The following L2HGDH variants were observed in gnomAD, a reference collection of about 807,000 sequenced individuals.
L2HGDH encodes L-2-hydroxyglutarate dehydrogenase.
L2HGDH carries 34 observed loss-of-function variants against 51.5 expected under a neutral mutation model. That is an observed-to-expected ratio of 0.66 (90% CI 0.50 to 0.88). The LOEUF (loss-of-function observed/expected upper bound fraction) is 0.88. L2HGDH is among the 40% of genes least tolerant of loss of function. The pLI, the probability that L2HGDH is intolerant of heterozygous loss-of-function variation, is 0.00. For missense variants in L2HGDH, 558 were observed against 571.9 expected (o/e 0.98, Z 0.25); for synonymous variants, 198 against 197.9 (o/e 1.00, Z -0.01).
chr14:50,294,184 G>C lies in L2HGDH; in HGVS notation c.471C>G (p.Leu157=). ...GCCTCAGGCCCGGGACACCATTCTG[G>C]AGGCCTTTCTCATATAGGGCCTGAA... ...PRLQALYEKG[L]QNGVPGLRLI... Residue 157 remains leucine, a synonymous_variant, in exon 4 of 10, where the codon CTC becomes CTG. Transcript: ENST00000267436. 6.2e-7 allele frequency: 1 copy of C among 1,613,594 alleles called. No individual in the cohort carries two copies. Among genetic ancestry groups the C allele is most frequent in the Non-Finnish European group, 8.5e-7 (1 of 1,179,890 alleles).
chr14:50,307,603 G>A (rs2030809051), intron 1 of L2HGDH, among the ~76,000 whole-genome samples: 1 of 152,126 alleles, frequency 6.6e-6, no homozygotes, highest in African/African-American at 2.4e-5. Flanking sequence ...CCTACACAAA[G>A]TTAGACAAAA....
intron 4 of L2HGDH, among the ~76,000 whole-genome samples, chr14:50,289,752 A>C (rs1890771190): frequency 6.6e-6 from 1 of 152,210 alleles, no homozygotes; most frequent in Admixed American, 6.5e-5. Context: ...ATTTCATTTA[A>C]TTCTCAAAAC....
chr14:50,265,617 T>A, intron 8 of L2HGDH, 128 bp from the exon 9 acceptor site: 1 of 897,736 alleles, frequency 1.1e-6, no homozygotes, highest in South Asian at 1.6e-5. Context: ...AAACTACAGA[T>A]TAAAAGAAAA....
chr14:50,250,015 C>T (rs1888252855), intron 9 of L2HGDH, among the ~76,000 whole-genome samples: 1 of 150,870 alleles, frequency 6.6e-6, no homozygotes, highest in Non-Finnish European at 1.5e-5. Context: ...GATTCTCCTG[C>T]CTCAGCCTTC....
At position 50,246,261 on chromosome 14, in the gene L2HGDH, C is replaced by T. The variant is rs988454336; in HGVS notation, c.*797G>A. The stretch of plus-strand genomic sequence containing the variant: ...TGAGTCAGGGACTCACTTTGTTGCC[C>T]AGGCTGGGGTATAGTGGCATGAACA... On this transcript the variant is annotated 3_prime_UTR_variant, in exon 10 of 10. Coordinates refer to ENST00000267436, the MANE Select transcript of L2HGDH (RefSeq NM_024884.3). 3.3e-5 allele frequency: 5 copies of T among 151,840 alleles called. No homozygotes were observed. The highest frequency in any genetic ancestry group is 9.7e-5 in the African/African-American group (4 of 41,304). The allele number at this position is 151,840 out of a possible 1,614,324, so 9.4% of individuals were successfully genotyped here.
rs560182479 is a variant in L2HGDH, at chr14:50,307,511, C to T, written c.141-4494G>A. On this transcript the variant is annotated intron_variant, in intron 1 of 9. Transcript: ENST00000267436. ...CGGAGGCTGAAAGAGACATCTTTCT[C>T]TACAACTCACTTAATCTCAAGTTAA... Among the ~76,000 whole-genome samples the T allele has an allele frequency of 2.0e-5, 3 of 152,302 alleles. No individual in the cohort carries two copies. The South Asian group carries it at 6.2e-4, about 32-fold the overall frequency.
chr14:50,275,301 T>C (rs970491120), intron 6 of L2HGDH, among the ~76,000 whole-genome samples: 3 of 152,238 alleles, frequency 2.0e-5, no homozygotes, highest in Non-Finnish European at 4.4e-5. Context: ...TGTCTACAGC[T>C]AATGCTGAGT....
At chr14:50,268,409 T>C (rs1889474221) in intron 7 of L2HGDH, among the ~76,000 whole-genome samples, 2 of 149,390 alleles carry the variant, frequency 1.3e-5, no homozygotes, top group African/African-American at 4.9e-5. Context: ...AAAGAAACTC[T>C]GATGCTACTG....
In L2HGDH at chr14:50,247,170, T is replaced by A; in HGVS notation, c.1280A>T (p.Asp427Val). The change falls in exon 10 of 10, where the codon GAT (aspartate) becomes GTT (valine). Residue 427 changes from aspartate (D) to valine (V), a missense_variant. Physicochemically the swap from Asp to Val is radical, Grantham distance 152. Around this residue, in one of 3 missense-constraint regions of L2HGDH, gnomAD observed 321 missense variants for 311.8 expected, o/e 1.03. Coordinates refer to ENST00000267436, the MANE Select transcript of L2HGDH (RefSeq NM_024884.3). ...CACATGAAGAATGCGATTTCCAATA[T>A]CCCCAACTCCTGCATCAAATACAAA... ...EDFVFDAGVG[D>V]IGNRILHVRN... 1 of 1,614,120 alleles carries A rather than the reference T, an allele frequency of 6.2e-7. No homozygotes were observed. Among genetic ancestry groups the A allele is most frequent in the South Asian group, 1.1e-5 (1 of 91,068 alleles).
At chr14:50,265,901 G>A (rs980768375) in intron 8 of L2HGDH, among the ~76,000 whole-genome samples, 2 of 151,944 alleles carry the variant, frequency 1.3e-5, no homozygotes, top group Non-Finnish European at 2.9e-5. Context: ...GCGACAGAGA[G>A]AGACCCTCTC....
chr14:50,284,720 T>G (rs745504448), intron 4 of L2HGDH, among the ~76,000 whole-genome samples: 2 of 152,210 alleles, frequency 1.3e-5, no homozygotes, highest in Non-Finnish European at 2.9e-5. Context: ...CCTTTTTTTG[T>G]ATATATCAGT....
At position 50,276,137 on chromosome 14, in the gene L2HGDH, A is replaced by C. The variant is rs147214920; in HGVS notation, c.738+2383T>G. ...CACATCTCCTGAAGCTTCTCTTAGT[A>C]TTCCCATGTACTGTTATAAAAGTTA... On this transcript the variant is annotated intron_variant, in intron 6 of 9. Coordinates refer to ENST00000267436, the MANE Select transcript of L2HGDH (RefSeq NM_024884.3). Among the ~76,000 whole-genome samples the C allele has an allele frequency of 2.6e-3, 393 of 152,352 alleles. 5 individuals carry two copies. The highest frequency in any genetic ancestry group is 8.1e-3 in the African/African-American group (337 of 41,580).
rs1662196556 is a variant in L2HGDH, at chr14:50,292,483, G to A, written c.540+1632C>T. Among the ~76,000 whole-genome samples, 3 of 152,072 alleles carry A rather than the reference G, an allele frequency of 2.0e-5. No individual in the cohort carries two copies. The South Asian group carries it at 6.2e-4, about 32-fold the overall frequency. On this transcript the variant is annotated intron_variant, in intron 4 of 9. Coordinates refer to ENST00000267436, the MANE Select transcript of L2HGDH (RefSeq NM_024884.3). ...GAACTTTGGGAGGCCGAGGCTGGAGGATCACCTGAGGTCGGGAGTTCAAGA... is the reference window on the plus strand; with the variant it reads ...GAACTTTGGGAGGCCGAGGCTGGAGAATCACCTGAGGTCGGGAGTTCAAGA...
chr14:50,292,117 T>C (rs536095680), intron 4 of L2HGDH, among the ~76,000 whole-genome samples: 11 of 152,284 alleles, frequency 7.2e-5, no homozygotes, highest in South Asian at 4.1e-4. Context: ...AGACATGCCA[T>C]GCAAGACTTC....
At position 50,243,719 on chromosome 14, in the gene L2HGDH, A is replaced by C. The variant is rs1473697489; in HGVS notation, c.*3339T>G. ...TATTATACTTTAAGTTTTAGGGTAC[A>C]TGTGCACAATGTGCAGGTTAGTTAC... On this transcript the variant is annotated 3_prime_UTR_variant, in exon 10 of 10. Coordinates refer to ENST00000267436, the MANE Select transcript of L2HGDH (RefSeq NM_024884.3). 2 of 178,622 alleles carry C rather than the reference A, an allele frequency of 1.1e-5. No individual in the cohort carries two copies. The highest frequency in any genetic ancestry group is 2.1e-5 in the Non-Finnish European group (2 of 94,090). The allele number at this position is 178,622 out of a possible 1,614,324, so 11.1% of individuals were successfully genotyped here. A position where few individuals can be genotyped will look rare whatever the true frequency, so the allele number is the denominator to read the frequency against.
intron 4 of L2HGDH, among the ~76,000 whole-genome samples, chr14:50,293,542 T>A (rs1026552585): frequency 6.6e-6 from 1 of 151,932 alleles, no homozygotes; most frequent in Non-Finnish European, 1.5e-5. Flanking sequence ...AACAAACATA[T>A]GCATAAATTG....
Position 50,246,716 on chromosome 14 carries a change from C to T in L2HGDH, c.*342G>A, listed in dbSNP as rs955256861. On this transcript the variant is annotated 3_prime_UTR_variant, in exon 10 of 10. Coordinates refer to ENST00000267436, the MANE Select transcript of L2HGDH (RefSeq NM_024884.3). ...CAAAGTGCTGGCCACGGCCCCCAGC[C>T]TAACATTTTGAAAATTATTATTATT... The T allele has an allele frequency of 1.6e-5, 3 of 188,900 alleles. No individual in the cohort carries two copies. In the South Asian group the frequency reaches 2.8e-4, roughly 18 times the overall value. 11.7% of individuals were successfully genotyped at this position (188,900 alleles called of 1,614,324 possible). A position where few individuals can be genotyped will look rare whatever the true frequency, so the allele number is the denominator to read the frequency against.
chr14:50,305,470 A>G lies in L2HGDH; in HGVS notation c.141-2453T>C, dbSNP rs73277329. Reference sequence around the variant, plus strand: ...GCCTTTAAGCAGGTTTTAAAAAAACATAAGTTCAGTGGATAAAAGGTAAAG... The same window carrying G: ...GCCTTTAAGCAGGTTTTAAAAAAACGTAAGTTCAGTGGATAAAAGGTAAAG... On this transcript the variant is annotated intron_variant, in intron 1 of 9. Coordinates refer to ENST00000267436, the MANE Select transcript of L2HGDH (RefSeq NM_024884.3). Among the ~76,000 whole-genome samples, 738 of 152,364 alleles carry G rather than the reference A, an allele frequency of 4.8e-3. 6 individuals carry two copies. The highest frequency in any genetic ancestry group is 0.017 in the African/African-American group (696 of 41,582).
At chr14:50,249,777 A>G (rs1365851382) in intron 9 of L2HGDH, among the ~76,000 whole-genome samples, 4 of 151,484 alleles carry the variant, frequency 2.6e-5, no homozygotes, top group African/African-American at 9.7e-5. Context: ...AAAAGCAGAG[A>G]TAAAAGTAAA....
Sources: allele counts gnomAD v4.1 joint callset (sites outside exome capture counted in the v4.1 genomes callset), GRCh38; gene constraint gnomAD v4.1.1; regional missense constraint gnomAD v4.1.1; transcripts MANE v1.5; gene names NCBI Gene and HGNC (gene_info 2026-07-23, HGNC 2026-07-21).